EPHB2: variants seen among roughly 807,000 people sequenced by gnomAD.
EPHB2 encodes EPH receptor B2.
In EPHB2, 18 loss-of-function variants were observed where a neutral mutation model predicts 96.4. The observed-to-expected ratio is 0.19, with a 90% CI of 0.13 to 0.28. The LOEUF (loss-of-function observed/expected upper bound fraction) is 0.28. Among genes scored for constraint, EPHB2 ranks in the 10% least tolerant of loss-of-function variants. The pLI is 1.00. For missense variants in EPHB2, 989 were observed against 1,355.4 expected (o/e 0.73, Z 4.25); for synonymous variants, 506 against 534.1 (o/e 0.95, Z 0.72).
At chr1:22,791,671 A>G (rs1570283137) in intron 3 of EPHB2, among the ~76,000 whole-genome samples, 1 of 152,052 alleles carries the variant, frequency 6.6e-6, no homozygotes, top group African/African-American at 2.4e-5. Context: ...TGTCAGAGCT[A>G]TAACATCATT....
At chr1:22,767,706 T>C (rs1644326336) in intron 1 of EPHB2, among the ~76,000 whole-genome samples, 2 of 152,172 alleles carry the variant, frequency 1.3e-5, no homozygotes, top group Admixed American at 1.3e-4. Flanking sequence ...GGTGCCCCTC[T>C]TCCCCCTGTG....
At position 22,836,324 on chromosome 1, in the gene EPHB2, C is replaced by T. The variant is rs556094103; in HGVS notation, c.812-26713C>T. 2.4e-4 allele frequency among the ~76,000 whole-genome samples: 37 copies of T among 152,358 alleles called. No homozygotes were observed. In the South Asian group the frequency reaches 7.5e-3, roughly 31 times the overall value. On this transcript the variant is annotated intron_variant, in intron 3 of 15. Transcript: ENST00000374630. ...AGGCTCTCGGAGGCACAAAGATGAA[C>T]CAGACAAGGAGTGCGCCGAGGCCCT... is the stretch of plus-strand genomic sequence containing the variant.
chr1:22,805,940 C>G (rs1415837471), intron 3 of EPHB2, among the ~76,000 whole-genome samples: 5 of 152,164 alleles, frequency 3.3e-5, no homozygotes, highest in African/African-American at 1.2e-4. Flanking sequence ...ATTCCCAGGA[C>G]TCTGGAGGGA....
Position 22,846,421 on chromosome 1 carries a change from C to CAAA in EPHB2, c.812-16603_812-16601dup, listed in dbSNP as rs548171634. On this transcript the variant is annotated intron_variant, in intron 3 of 15. Transcript: ENST00000374630. The surrounding 1 kb of genome is among the most constrained non-coding windows in gnomAD (Gnocchi z 4.3). ...ACAGAGTGAGAGTGAGACTCTGTCTCAAAAAAAAAAAAAAAGAAAAGAAAG... is the reference window on the plus strand; with the variant it reads ...ACAGAGTGAGAGTGAGACTCTGTCTCAAAAAAAAAAAAAAAAAAGAAAAGAAAG... Among the ~76,000 whole-genome samples, 6 of 108,732 alleles carry CAAA rather than the reference C, an allele frequency of 5.5e-5. No individual in the cohort carries two copies. The highest frequency in any genetic ancestry group is 4.5e-4 in the East Asian group (2 of 4,462). The allele number at this position is 108,732 out of a possible 152,430, so 71.3% of individuals were successfully genotyped here. A position where few individuals can be genotyped will look rare whatever the true frequency, so the allele number is the denominator to read the frequency against.
At position 22,896,490 on chromosome 1, in the gene EPHB2, C is replaced by T; in HGVS notation, c.1765+12C>T. On this transcript the variant is annotated intron_variant, in intron 9 of 15. Coordinates refer to ENST00000374630, the MANE Select transcript of EPHB2 (RefSeq NM_017449.5). ...CACCAGTGGCCACAGTATGTACACA[C>T]CCAAGCGGGCTGGAACCCTTGGGCC... The T allele has an allele frequency of 1.2e-6, 2 of 1,614,108 alleles. No individual in the cohort carries two copies. Among genetic ancestry groups the T allele is most frequent in the Non-Finnish European group, 1.7e-6 (2 of 1,180,018 alleles).
chr1:22,859,482 A>C (rs922325776), intron 3 of EPHB2, among the ~76,000 whole-genome samples: 2 of 152,112 alleles, frequency 1.3e-5, no homozygotes, highest in Admixed American at 1.3e-4. Context: ...TTCACATACC[A>C]GACAATTTGC....
intron 3 of EPHB2, among the ~76,000 whole-genome samples, chr1:22,804,818 T>A (rs1405749052): frequency 6.6e-6 from 1 of 151,832 alleles, no homozygotes; most frequent in African/African-American, 2.4e-5. Context: ...TCCTTTTCCT[T>A]GTCTTAGTCT....
At chr1:22,754,356 T>C (rs1644110890) in intron 1 of EPHB2, among the ~76,000 whole-genome samples, 1 of 152,100 alleles carries the variant, frequency 6.6e-6, no homozygotes, top group Non-Finnish European at 1.5e-5. Context: ...AGACAGAAAG[T>C]CCATATCCCG....
intron 5 of EPHB2, among the ~76,000 whole-genome samples, chr1:22,878,521 A>G (rs1302764917): frequency 6.6e-6 from 1 of 151,900 alleles, no homozygotes; most frequent in Non-Finnish European, 1.5e-5. Flanking sequence ...CATCATAGCA[A>G]CTCCACAAAC....
chr1:22,778,384 C>T lies in EPHB2; in HGVS notation c.62-3037C>T, dbSNP rs577076753. Among the ~76,000 whole-genome samples, 3 of 152,362 alleles carry T rather than the reference C, an allele frequency of 2.0e-5. No individual in the cohort carries two copies. The East Asian group carries it at 5.8e-4, about 29-fold the overall frequency. On this transcript the variant is annotated intron_variant, in intron 1 of 15. Coordinates refer to ENST00000374630, the MANE Select transcript of EPHB2 (RefSeq NM_017449.5). ...AGAACTGGTGTTAGAATCCAGATCT[C>T]TGTTACCTCCAGAGCCCAGGTCTGT...
At chr1:22,861,144 A>C (rs993509719) in intron 3 of EPHB2, among the ~76,000 whole-genome samples, 10 of 152,348 alleles carry the variant, frequency 6.6e-5, no homozygotes, top group African/African-American at 2.4e-4. Flanking sequence ...ATATAAACTG[A>C]CAACAACTCT....
At chr1:22,822,994 C>T (rs1200588706) in intron 3 of EPHB2, among the ~76,000 whole-genome samples, 1 of 152,216 alleles carries the variant, frequency 6.6e-6, no homozygotes, top group Admixed American at 6.5e-5. Flanking sequence ...AGCTAGGAGC[C>T]ACTGAGACCT....
chr1:22,885,836 G>A (rs57787581), intron 6 of EPHB2, among the ~76,000 whole-genome samples: 10,006 of 152,222 alleles, frequency 0.066, 1,078 homozygotes, highest in African/African-American at 0.22. Context: ...GTGATGAGAC[G>A]TGGCCCTACT....
rs1351751099 is a variant in EPHB2 at position 22,919,841 on chromosome 1, TAA to T, written c.*6272_*6273del. 6.6e-6 allele frequency: 1 copy of T among 152,196 alleles called. No individual in the cohort carries two copies. The highest frequency in any genetic ancestry group is 1.5e-5 in the Non-Finnish European group (1 of 68,040). The allele number at this position is 152,196 out of a possible 1,614,324, so 9.4% of individuals were successfully genotyped here. A position where few individuals can be genotyped will look rare whatever the true frequency, so the allele number is the denominator to read the frequency against. Reference sequence around the variant, plus strand: ...CTAGGATTGCAAAACCCCATCATTCTAAGATTCCAATGGAATGATTCCATGTT... The same window carrying T: ...CTAGGATTGCAAAACCCCATCATTCTGATTCCAATGGAATGATTCCATGTT... On this transcript the variant is annotated 3_prime_UTR_variant, in exon 16 of 16. Coordinates refer to ENST00000374630, the MANE Select transcript of EPHB2 (RefSeq NM_017449.5).
At chr1:22,899,291 C>T (rs1045021394) in intron 9 of EPHB2, among the ~76,000 whole-genome samples, 3 of 151,204 alleles carry the variant, frequency 2.0e-5, no homozygotes, top group Non-Finnish European at 4.4e-5. Flanking sequence ...CACCTGAGGT[C>T]GGGAGTTCAA....
chr1:22,878,870 A>G lies in EPHB2; in HGVS notation c.1304-3489A>G, dbSNP rs1638933361. On this transcript the variant is annotated intron_variant, in intron 5 of 15. Transcript: ENST00000374630. ...CAGTAGGTGAGCGAGCACACCTGGCAGCAGCGCAATCCAAATACTCCTCAC... is the reference window on the plus strand; with the variant it reads ...CAGTAGGTGAGCGAGCACACCTGGCGGCAGCGCAATCCAAATACTCCTCAC... Among the ~76,000 whole-genome samples the G allele has an allele frequency of 2.0e-5, 3 of 152,234 alleles. No homozygotes were observed. In the South Asian group the frequency reaches 6.2e-4, roughly 31 times the overall value.
intron 3 of EPHB2, among the ~76,000 whole-genome samples, chr1:22,852,312 G>A (rs999058178): frequency 3.3e-5 from 5 of 152,172 alleles, no homozygotes; most frequent in Non-Finnish European, 7.3e-5. Flanking sequence ...TTTTGGGGAG[G>A]GGGTTCCTGC....
chr1:22,727,796 C>A (rs72653627), intron 1 of EPHB2, among the ~76,000 whole-genome samples: 2,348 of 73,292 alleles, frequency 0.032, 35 homozygotes, highest in African/African-American at 0.069. Flanking sequence ...AAAAAAAAAA[C>A]AAAAAAAAAA....
chr1:22,862,867 C>G (rs2148523627), intron 3 of EPHB2, among the ~76,000 whole-genome samples, 170 bp from the exon 4 acceptor site: 1 of 152,322 alleles, frequency 6.6e-6, no homozygotes, highest in Non-Finnish European at 1.5e-5. Flanking sequence ...ATTAGAACTC[C>G]CACGTTGGGG....
Sources: allele counts gnomAD v4.1 joint callset (sites outside exome capture counted in the v4.1 genomes callset), GRCh38; gene constraint gnomAD v4.1.1; non-coding constraint Gnocchi (gnomAD v3.1); transcripts MANE v1.5; gene names NCBI Gene and HGNC (gene_info 2026-07-23, HGNC 2026-07-21).